The following MTREX variants were observed in gnomAD, a reference collection of about 807,000 sequenced individuals.
The protein encoded by MTREX is Mtr4 exosome RNA helicase, also known as exosome RNA helicase MTR4.
MTREX carries 76 observed loss-of-function variants against 135.4 expected under a neutral mutation model. The observed-to-expected ratio is 0.56, with a 90% CI of 0.47 to 0.68. The LOEUF (loss-of-function observed/expected upper bound fraction) is 0.68, where lower values mean the gene tolerates loss of function less well. MTREX is among the 30% of genes least tolerant of loss of function. The pLI, the probability that MTREX is intolerant of heterozygous loss-of-function variation, is 0.00. For missense variants in MTREX, 920 were observed against 1,262.1 expected (o/e 0.73, Z 4.11); for synonymous variants, 404 against 401.6 (o/e 1.01, Z -0.07).
chr5:55,386,285 T>G (rs960055124), intron 18 of MTREX, among the ~76,000 whole-genome samples: 2 of 152,200 alleles, frequency 1.3e-5, no homozygotes, highest in Non-Finnish European at 2.9e-5. Context: ...AGCCACACTT[T>G]AAAAGGAATA....
At chr5:55,413,950 C>T (rs931073576) in intron 23 of MTREX, among the ~76,000 whole-genome samples, 1 of 152,114 alleles carries the variant, frequency 6.6e-6, no homozygotes, top group Admixed American at 6.5e-5. Context: ...GCAAATTTAG[C>T]GGTGTATTTT....
intron 5 of MTREX, among the ~76,000 whole-genome samples, chr5:55,337,013 A>G (rs540988699): frequency 6.6e-6 from 1 of 152,332 alleles, no homozygotes; most frequent in African/African-American, 2.4e-5. Flanking sequence ...GATAGAATTT[A>G]CTAGTGAAGC....
intron 16 of MTREX, among the ~76,000 whole-genome samples, chr5:55,374,264 T>TATATA (rs1554033277): frequency 7.2e-6 from 1 of 139,654 alleles, no homozygotes; most frequent in African/African-American, 2.7e-5. Context: ...CAAAAAACAT[T>TATATA]TATATATATA....
At chr5:55,364,217 A>G (rs190636399) in intron 15 of MTREX, among the ~76,000 whole-genome samples, 19 of 152,220 alleles carry the variant, frequency 1.2e-4, no homozygotes, top group Non-Finnish European at 2.5e-4. Flanking sequence ...TTTTGCTAAG[A>G]CAGAGGATTT....
intron 23 of MTREX, among the ~76,000 whole-genome samples, chr5:55,413,921 G>A (rs1463875961): frequency 1.3e-5 from 2 of 152,050 alleles, no homozygotes; most frequent in African/African-American, 4.8e-5. Flanking sequence ...TCACAAAAAG[G>A]AGCTAGTTAG....
At chr5:55,335,648 T>C (rs1448823201) in intron 5 of MTREX, among the ~76,000 whole-genome samples, 2 of 152,102 alleles carry the variant, frequency 1.3e-5, no homozygotes, top group Non-Finnish European at 2.9e-5. Flanking sequence ...ACTAGTACAC[T>C]ATTTTGATTA....
intron 1 of MTREX, among the ~76,000 whole-genome samples, chr5:55,312,990 G>C (rs2112018458): frequency 6.6e-6 from 1 of 152,220 alleles, no homozygotes; most frequent in Admixed American, 6.5e-5. Context: ...GGATTTCATT[G>C]CTTTTAGGTT....
intron 1 of MTREX, among the ~76,000 whole-genome samples, chr5:55,318,557 G>C (rs1370354004): frequency 6.6e-6 from 1 of 152,146 alleles, no homozygotes; most frequent in Admixed American, 6.5e-5. Context: ...CTTATAAATG[G>C]GAGCTAAAAG....
chr5:55,338,256 C>T (rs185814319), intron 5 of MTREX, among the ~76,000 whole-genome samples: 16 of 152,194 alleles, frequency 1.1e-4, no homozygotes, highest in African/African-American at 2.2e-4. Flanking sequence ...TTTTGAAGGA[C>T]GGTGTCACTG....
intron 14 of MTREX, among the ~76,000 whole-genome samples, chr5:55,354,564 A>G (rs1483860451): frequency 6.6e-6 from 1 of 152,222 alleles, no homozygotes; most frequent in Middle Eastern, 3.2e-3. Context: ...AACATTTTTC[A>G]TGATGTGTTT....
At chr5:55,353,135 C>T in intron 13 of MTREX, 33 bp from the exon 14 acceptor site, 1 of 1,407,928 alleles carries the variant, frequency 7.1e-7, no homozygotes, top group Non-Finnish European at 9.6e-7. Context: ...GCTTAAAATA[C>T]ATGTTTAATT....
At chr5:55,369,922 T>C (rs1471533333) in intron 16 of MTREX, among the ~76,000 whole-genome samples, 1 of 151,638 alleles carries the variant, frequency 6.6e-6, no homozygotes, top group Non-Finnish European at 1.5e-5. Context: ...TTTCTTTTTT[T>C]TTTTTTCTTT....
intron 5 of MTREX, among the ~76,000 whole-genome samples, chr5:55,329,196 A>G (rs966293059): frequency 6.7e-6 from 1 of 148,838 alleles, no homozygotes; most frequent in Non-Finnish European, 1.5e-5. Context: ...CTTTTTTTGC[A>G]TCTATTGACA....
chr5:55,342,579 T>G (rs1294145630), intron 7 of MTREX, among the ~76,000 whole-genome samples: 1 of 152,232 alleles, frequency 6.6e-6, no homozygotes, highest in African/African-American at 2.4e-5. Flanking sequence ...ATTTGTAGGG[T>G]GCTGGCAGGG....
In MTREX at chr5:55,404,896, C is replaced by T. The variant is rs151026482; in HGVS notation, c.2482-529C>T. On this transcript the variant is annotated intron_variant, in intron 21 of 26. Coordinates refer to ENST00000230640, the MANE Select transcript of MTREX (RefSeq NM_015360.5). ...ACGGCTCAGTGCAACCTCTACCTCC[C>T]GGGTTAAAGCAATTCTCCTGCCTCA... Among the ~76,000 whole-genome samples, 440 of 151,716 alleles carry T rather than the reference C, an allele frequency of 2.9e-3. 1 individual carries two copies. The highest frequency in any genetic ancestry group is 1.0e-2 in the African/African-American group (412 of 41,314).
chr5:55,322,378 T>C lies in MTREX; in HGVS notation c.186T>C (p.Asn62=). 6.2e-7 allele frequency: 1 copy of C among 1,609,624 alleles called. No individual in the cohort carries two copies. Among genetic ancestry groups the C allele is most frequent in the Non-Finnish European group, 8.5e-7 (1 of 1,177,476 alleles). ...LQSESTNNGK[N]KRDVDFEGTD... is the part of the protein sequence containing the mutation. The stretch of plus-strand genomic sequence containing the variant: ...CAGAATCAACTAATAATGGAAAAAA[T>C]AAGAGAGATGTAGATTTCGAAGGTA... Residue 62 remains asparagine (N), a synonymous_variant, in exon 2 of 27, where the codon AAT becomes AAC. Coordinates refer to ENST00000230640, the MANE Select transcript of MTREX (RefSeq NM_015360.5).
At position 55,424,734 on chromosome 5, in the gene MTREX, A is replaced by G; in HGVS notation, c.3091A>G (p.Lys1031Glu). The G allele has an allele frequency of 6.2e-7, 1 of 1,612,184 alleles. No individual in the cohort carries two copies. The highest frequency in any genetic ancestry group is 8.5e-7 in the Non-Finnish European group (1 of 1,178,292). The stretch of plus-strand genomic sequence containing the variant: ...TTTTCTCTTAGGAATCACCAAAATC[A>G]AGAGAGATATTGTGTTTGCTGCCAG... The part of the protein sequence containing the change: ...NKFAEGITKI[K>E]RDIVFAASLY... The change falls in exon 27 of 27, where the codon AAG (lysine) becomes GAG (glutamate). Residue 1031 changes from lysine to glutamate, a missense_variant. Coordinates refer to ENST00000230640, the MANE Select transcript of MTREX (RefSeq NM_015360.5).
Position 55,308,012 on chromosome 5 carries a change from A to AT in MTREX, c.-2_-1insT. 6.2e-7 allele frequency: 1 copy of AT among 1,614,176 alleles called. No individual in the cohort carries two copies. The highest frequency in any genetic ancestry group is 2.2e-5 in the East Asian group (1 of 44,868). On this transcript the variant is annotated 5_prime_UTR_variant, in exon 1 of 27. Transcript: ENST00000230640. Reference sequence around the variant, plus strand: ...GGAGATTTGCTCTCACTGCTCCCAAAAATGGCGGACGCATTCGGAGATGAG... The same window carrying AT: ...GGAGATTTGCTCTCACTGCTCCCAAATAATGGCGGACGCATTCGGAGATGAG...
intron 3 of MTREX, 86 bp from the exon 4 acceptor site, chr5:55,327,630 C>G: frequency 9.6e-7 from 1 of 1,043,394 alleles, no homozygotes; most frequent in Non-Finnish European, 1.5e-6. Flanking sequence ...TTTTATTTTC[C>G]AAACCATCAT....
Sources: gnomAD v4.1 joint callset for allele counts (sites outside exome capture counted in the v4.1 genomes callset) on GRCh38, gnomAD v4.1.1 for gene constraint, MANE v1.5 for transcripts, NCBI Gene and HGNC (gene_info 2026-07-23, HGNC 2026-07-21) for gene names.